TAF4: variants seen among roughly 807,000 people sequenced by gnomAD.
TAF4 encodes the protein TATA-box binding protein associated factor 4.
Under a neutral mutation model 90.3 loss-of-function variants are expected in TAF4, and 9 were observed. That is an observed-to-expected ratio of 0.10 (90% CI 0.06 to 0.17). The LOEUF is 0.17. Among genes scored for constraint, TAF4 ranks in the 10% least tolerant of loss-of-function variants. The pLI, the probability that TAF4 is intolerant of heterozygous loss-of-function variation, is 1.00. For missense variants in TAF4, 1,351 were observed against 1,370.7 expected (o/e 0.99, Z 0.23); for synonymous variants, 818 against 638.9 (o/e 1.28, Z -4.23).
intron 6 of TAF4, among the ~76,000 whole-genome samples, chr20:62,007,184 A>G (rs1390195347): frequency 6.6e-6 from 1 of 152,232 alleles, no homozygotes; most frequent in African/African-American, 2.4e-5. Flanking sequence ...GATTTTTAAA[A>G]TGTGCTGATA....
chr20:62,002,282 C>T (rs746656906), intron 9 of TAF4, among the ~76,000 whole-genome samples: 1 of 152,208 alleles, frequency 6.6e-6, no homozygotes, highest in East Asian at 1.9e-4. Context: ...ACTCCCCAGG[C>T]CTGCTATGCC....
intron 1 of TAF4, among the ~76,000 whole-genome samples, chr20:62,035,232 G>C (rs927377076): frequency 2.0e-5 from 3 of 152,206 alleles, no homozygotes; most frequent in Non-Finnish European, 4.4e-5. Flanking sequence ...TTATAAGGAA[G>C]ATCAAAGTGC....
intron 14 of TAF4, among the ~76,000 whole-genome samples, chr20:61,997,000 G>T (rs1189257337): frequency 6.6e-6 from 1 of 152,006 alleles, no homozygotes; most frequent in East Asian, 1.9e-4. Flanking sequence ...AAACATAAAA[G>T]ACCGTTTTCT....
intron 14 of TAF4, among the ~76,000 whole-genome samples, chr20:61,984,425 C>T (rs771495806): frequency 5.3e-5 from 8 of 152,210 alleles, no homozygotes; most frequent in Non-Finnish European, 8.8e-5. Context: ...TCCAACAGCA[C>T]GAAGACACAC....
chr20:62,026,169 C>G (rs1359877823), intron 1 of TAF4, among the ~76,000 whole-genome samples: 1 of 152,186 alleles, frequency 6.6e-6, no homozygotes, highest in African/African-American at 2.4e-5. Context: ...GACCTTCCCC[C>G]ACCAGCCCTG....
chr20:62,015,759 A>T (rs941588564), intron 1 of TAF4, among the ~76,000 whole-genome samples: 3 of 152,184 alleles, frequency 2.0e-5, no homozygotes, highest in Non-Finnish European at 4.4e-5. Flanking sequence ...CATGATGACA[A>T]ATGAGCGTGG....
In TAF4 at chr20:62,065,749, A is replaced by G; in HGVS notation, c.62T>C (p.Val21Ala). Residue 21 changes from valine to alanine, a missense_variant, in exon 1 of 15, where the codon GTG becomes GCG. This residue lies in a region of TAF4 where 782 missense variants were observed against 536.6 expected (regional missense o/e 1.46). Coordinates refer to ENST00000252996, the MANE Select transcript of TAF4 (RefSeq NM_003185.4). ...CAGCGAGCCCACCAGGTCGCTCACC[A>G]CTTTCTCGTCCACCTCGCTGTTGAA... ...VFFNSEVDEK[V>A]VSDLVGSLES... is the part of the protein sequence containing the mutation. 1 of 1,336,170 alleles carries G rather than the reference A, an allele frequency of 7.5e-7. No individual in the cohort carries two copies. Among genetic ancestry groups the G allele is most frequent in the African/African-American group, 1.6e-5 (1 of 63,420 alleles). The allele number at this position is 1,336,170 out of a possible 1,614,324, so 82.8% of individuals were successfully genotyped here.
intron 13 of TAF4, 114 bp from the exon 14 acceptor site, chr20:61,997,783 T>TTA: frequency 7.5e-7 from 1 of 1,337,096 alleles, no homozygotes; most frequent in Non-Finnish European, 9.9e-7. Context: ...TCATAACTTC[T>TTA]TTAATGTTTT....
intron 1 of TAF4, among the ~76,000 whole-genome samples, chr20:62,030,703 TC>T (rs2055900021): frequency 6.6e-6 from 1 of 152,256 alleles, no homozygotes; most frequent in South Asian, 2.1e-4. Context: ...AAAACAAATT[TC>T]GTCCAAAAAC....
At chr20:61,997,925 G>T (rs903003301) in intron 13 of TAF4, among the ~76,000 whole-genome samples, 1 of 152,152 alleles carries the variant, frequency 6.6e-6, no homozygotes, top group Admixed American at 6.5e-5. Context: ...CCCCGCAAAG[G>T]GAAGTCACCG....
At chr20:62,020,776 C>T (rs186410448) in intron 1 of TAF4, among the ~76,000 whole-genome samples, 1 of 152,296 alleles carries the variant, frequency 6.6e-6, no homozygotes, top group Non-Finnish European at 1.5e-5. Context: ...GATGACCAGA[C>T]GACAGCACCG....
At chr20:62,052,027 G>A (rs542375843) in intron 1 of TAF4, among the ~76,000 whole-genome samples, 2 of 152,288 alleles carry the variant, frequency 1.3e-5, no homozygotes, top group East Asian at 1.9e-4. Context: ...AAGGAAGAGA[G>A]ATGACAGGAA....
At chr20:61,989,931 G>A (rs1296011653) in intron 14 of TAF4, among the ~76,000 whole-genome samples, 2 of 152,204 alleles carry the variant, frequency 1.3e-5, no homozygotes, top group Admixed American at 6.5e-5. Flanking sequence ...ACAGGCAGGC[G>A]GTTAATAACA....
chr20:62,029,887 A>G (rs1383270910), intron 1 of TAF4, among the ~76,000 whole-genome samples: 1 of 152,124 alleles, frequency 6.6e-6, no homozygotes, highest in Non-Finnish European at 1.5e-5. Context: ...GCCTGGTGAC[A>G]CGGCAAGACT....
chr20:62,008,619 G>A (rs1045961853), intron 5 of TAF4, among the ~76,000 whole-genome samples: 1 of 152,090 alleles, frequency 6.6e-6, no homozygotes, highest in Admixed American at 6.5e-5. Context: ...ATGGGGAGGG[G>A]GCTTCTGGTG....
At chr20:62,055,732 A>G (rs1033986934) in intron 1 of TAF4, among the ~76,000 whole-genome samples, 4 of 152,278 alleles carry the variant, frequency 2.6e-5, no homozygotes, top group Admixed American at 2.0e-4. Context: ...CTCCTGGGAA[A>G]GCCTTCCCTG....
At chr20:61,989,470 C>T (rs530826011) in intron 14 of TAF4, among the ~76,000 whole-genome samples, 4 of 152,026 alleles carry the variant, frequency 2.6e-5, no homozygotes, top group African/African-American at 9.7e-5. Context: ...ACAGGGGTCC[C>T]GGCACCCACA....
At chr20:62,046,652 G>C (rs560032288) in intron 1 of TAF4, among the ~76,000 whole-genome samples, 1 of 152,188 alleles carries the variant, frequency 6.6e-6, no homozygotes, top group Non-Finnish European at 1.5e-5. Flanking sequence ...TGCCGCACAC[G>C]GTCAATCAGT....
At chr20:62,039,179 C>T (rs571316453) in intron 1 of TAF4, among the ~76,000 whole-genome samples, 64 of 152,302 alleles carry the variant, frequency 4.2e-4, no homozygotes, top group African/African-American at 1.5e-3. Context: ...AAAAGCAGCA[C>T]TGGAGGACTC....
Sources: allele counts gnomAD v4.1 joint callset (sites outside exome capture counted in the v4.1 genomes callset), GRCh38; gene constraint gnomAD v4.1.1; regional missense constraint gnomAD v4.1.1; transcripts MANE v1.5; gene names NCBI Gene and HGNC (gene_info 2026-07-23, HGNC 2026-07-21).